Variants in FILIP1L observed in about 807,000 individuals in gnomAD.
FILIP1L encodes filamin A interacting protein 1 like, also known as filamin A-interacting protein 1-like.
In FILIP1L, 55 loss-of-function variants were observed where a neutral mutation model predicts 96.6. That is an observed-to-expected ratio of 0.57 (90% confidence interval 0.46 to 0.71). FILIP1L has a LOEUF of 0.71. Among genes scored for constraint, FILIP1L ranks in the 30% least tolerant of loss-of-function variants. The probability of loss-of-function intolerance (pLI) is 0.00; values close to 1 mark genes in which losing one functional copy is unlikely to be tolerated. For synonymous variants in FILIP1L, 467 were observed against 473.9 expected (o/e 0.99, Z 0.19); for missense variants, 1,304 against 1,321.2 (o/e 0.99, Z 0.20).
intron 1 of FILIP1L, among the ~76,000 whole-genome samples, chr3:100,098,608 A>C (rs1427540826): frequency 6.6e-6 from 1 of 152,176 alleles, no homozygotes; most frequent in Non-Finnish European, 1.5e-5. Context: ...CATGCAAGGA[A>C]GTTATTTTTG....
chr3:99,889,513 A>G (rs1310235094), intron 4 of FILIP1L, among the ~76,000 whole-genome samples: 3 of 152,190 alleles, frequency 2.0e-5, no homozygotes, highest in Non-Finnish European at 2.9e-5. Context: ...TATAATTGTT[A>G]AAATTGCTTT....
intron 1 of FILIP1L, among the ~76,000 whole-genome samples, chr3:99,947,940 A>G (rs1708058298): frequency 6.6e-6 from 1 of 152,250 alleles, no homozygotes; most frequent in Non-Finnish European, 1.5e-5. Context: ...ACCTCATCAT[A>G]TAGACTTGAA....
At chr3:99,981,147 A>G (rs1709110539) in intron 1 of FILIP1L, among the ~76,000 whole-genome samples, 1 of 152,160 alleles carries the variant, frequency 6.6e-6, no homozygotes, top group South Asian at 2.1e-4. Context: ...GAGCCTCACA[A>G]ACACCCTGTG....
intron 1 of FILIP1L, among the ~76,000 whole-genome samples, chr3:100,018,174 A>C (rs1234133817): frequency 6.6e-6 from 1 of 151,954 alleles, no homozygotes; most frequent in Non-Finnish European, 1.5e-5. Context: ...AAAAATACAA[A>C]AATTAGCCGG....
intron 5 of FILIP1L, among the ~76,000 whole-genome samples, chr3:99,842,125 T>C (rs1943160132): frequency 6.6e-6 from 1 of 152,168 alleles, no homozygotes; most frequent in Non-Finnish European, 1.5e-5. Context: ...AAATGTGGTA[T>C]ATATACACCA....
Position 100,039,756 on chromosome 3 carries a change from CT to C in FILIP1L, c.-11+74296del, listed in dbSNP as rs559735123. 6.5e-3 allele frequency: 918 copies of C among 141,284 alleles called. 11 individuals are homozygous for C. The highest frequency in any genetic ancestry group is 0.06 in the South Asian group (266 of 4,406). The allele number at this position is 141,284 out of a possible 1,614,324, so 8.8% of individuals were successfully genotyped here. A position where few individuals can be genotyped will look rare whatever the true frequency, so the allele number is the denominator to read the frequency against. ...TTTCTTCACAGTTAACGACTTTCTTCTTTTTTTTTTTTTTTGAGATGGAGTC... is the reference window on the plus strand; with the variant it reads ...TTTCTTCACAGTTAACGACTTTCTTCTTTTTTTTTTTTTTGAGATGGAGTC... On this transcript the variant is annotated intron_variant, in intron 1 of 5. Coordinates refer to ENST00000477258, the MANE Select transcript of FILIP1L (RefSeq NM_001387850.1).
At chr3:99,948,344 T>TA (rs1185918281) in intron 1 of FILIP1L, among the ~76,000 whole-genome samples, 2 of 151,710 alleles carry the variant, frequency 1.3e-5, no homozygotes, top group African/African-American at 2.4e-5. Flanking sequence ...ATAAAAAAAT[T>TA]AAAAAATTTT....
intron 1 of FILIP1L, among the ~76,000 whole-genome samples, chr3:100,075,986 A>C (rs1287378975): frequency 2.6e-5 from 4 of 152,180 alleles, no homozygotes; most frequent in Non-Finnish European, 5.9e-5. Context: ...CACTTTGAAG[A>C]CACAAAACTA....
At chr3:99,939,577 A>G (rs1399693887) in intron 1 of FILIP1L, among the ~76,000 whole-genome samples, 1 of 152,206 alleles carries the variant, frequency 6.6e-6, no homozygotes, top group East Asian at 1.9e-4. Context: ...AACACAACTA[A>G]AGCAGTGAAT....
intron 1 of FILIP1L, among the ~76,000 whole-genome samples, chr3:100,060,336 C>T (rs2065540753): frequency 6.6e-6 from 1 of 152,174 alleles, no homozygotes; most frequent in Non-Finnish European, 1.5e-5. Context: ...CACTCCACCT[C>T]CTCTTCCATC....
chr3:100,113,091 A>C (rs1483848957), intron 1 of FILIP1L, among the ~76,000 whole-genome samples: 2 of 152,230 alleles, frequency 1.3e-5, no homozygotes, highest in Admixed American at 6.5e-5. Context: ...TATGTGTTGC[A>C]CCTCTTCTAT....
chr3:99,856,859 T>C (rs1396331708), intron 4 of FILIP1L, among the ~76,000 whole-genome samples: 1 of 152,244 alleles, frequency 6.6e-6, no homozygotes, highest in Non-Finnish European at 1.5e-5. Flanking sequence ...TAATGCATCA[T>C]ATAATACACA....
intron 4 of FILIP1L, among the ~76,000 whole-genome samples, chr3:99,885,290 G>A (rs1705856766): frequency 6.6e-6 from 1 of 152,106 alleles, no homozygotes; most frequent in Non-Finnish European, 1.5e-5. Flanking sequence ...TATTTCATGG[G>A]GACCTGGTGT....
chr3:99,912,479 G>A (rs890716079), intron 4 of FILIP1L, among the ~76,000 whole-genome samples: 2 of 152,176 alleles, frequency 1.3e-5, no homozygotes, highest in Non-Finnish European at 2.9e-5. Flanking sequence ...CTGGACTCAG[G>A]TGATCCTCCT....
intron 4 of FILIP1L, among the ~76,000 whole-genome samples, chr3:99,871,191 A>G (rs1944768503): frequency 6.6e-6 from 1 of 152,178 alleles, no homozygotes. Context: ...CCTGAGCCTA[A>G]CTGGTTTCTG....
In FILIP1L at chr3:99,868,460, G is replaced by A. The variant is rs140806047; in HGVS notation, c.606-17390C>T. Among the ~76,000 whole-genome samples, 11 of 152,308 alleles carry A rather than the reference G, an allele frequency of 7.2e-5. No individual in the cohort carries two copies. The East Asian group carries it at 1.9e-3, about 27-fold the overall frequency. On this transcript the variant is annotated intron_variant, in intron 4 of 5. Transcript: ENST00000477258. ...CCCAGCAGCACCAGATGATGAAGGA[G>A]CATCATCCCTATGGATAGACTAGCA...
At chr3:99,978,720 C>T (rs953232257) in intron 1 of FILIP1L, among the ~76,000 whole-genome samples, 4 of 152,064 alleles carry the variant, frequency 2.6e-5, no homozygotes, top group African/African-American at 9.7e-5. Context: ...CATGGCAAAA[C>T]CCCGCCTCTT....
At chr3:100,040,604 A>G (rs1446337873) in intron 1 of FILIP1L, 1 of 152,196 alleles carries the variant, frequency 6.6e-6, no homozygotes, top group Non-Finnish European at 1.5e-5. Context: ...AGGCCCTTAT[A>G]TATGCATTCT....
intron 5 of FILIP1L, among the ~76,000 whole-genome samples, chr3:99,843,749 G>A (rs923454683): frequency 3.3e-5 from 5 of 152,032 alleles, no homozygotes; most frequent in African/African-American, 1.2e-4. Context: ...CCTGGGCCAC[G>A]GACTGGTAGC....
Sources: allele counts gnomAD v4.1 joint callset (sites outside exome capture counted in the v4.1 genomes callset), GRCh38; gene constraint gnomAD v4.1.1; transcripts MANE v1.5; gene names NCBI Gene and HGNC (gene_info 2026-07-23, HGNC 2026-07-21).